TBC1D31: variants seen among roughly 807,000 people sequenced by gnomAD.
TBC1D31 encodes the protein WD repeat domain 67.
Under a neutral mutation model 132.9 loss-of-function variants are expected in TBC1D31, and 99 were observed. That is an observed-to-expected ratio of 0.74 (90% CI 0.63 to 0.88). The LOEUF (loss-of-function observed/expected upper bound fraction) is 0.88, where lower values mean the gene tolerates loss of function less well. TBC1D31 is among the 40% of genes least tolerant of loss of function. TBC1D31 has a pLI of 0.00. For missense variants in TBC1D31, 1,134 were observed against 1,256.6 expected (o/e 0.90, Z 1.48); for synonymous variants, 385 against 419.4 (o/e 0.92, Z 1.00).
chr8:123,097,036 A>AT (rs1366878294), intron 5 of TBC1D31, among the ~76,000 whole-genome samples: 3 of 152,228 alleles, frequency 2.0e-5, no homozygotes, highest in African/African-American at 7.2e-5. Context: ...AGGTAAAAAA[A>AT]ATATATACTA....
the TBC1D31 span, among the ~76,000 whole-genome samples, chr8:123,161,197 C>A: frequency 6.6e-6 from 1 of 152,250 alleles, no homozygotes; most frequent in East Asian, 1.9e-4. Context: ...GGCCTTTGCA[C>A]CGGCAGCTCT....
downstream of TBC1D31, among the ~76,000 whole-genome samples, chr8:123,156,290 A>G (rs183728283): frequency 1.2e-4 from 19 of 152,042 alleles, no homozygotes; most frequent in Non-Finnish European, 2.8e-4. Context: ...AAAATACAAA[A>G]ATTAGCCGAG....
Position 123,128,292 on chromosome 8 carries a change from C to T in TBC1D31, c.1896C>T (p.His632=), listed in dbSNP as rs754203936. ...AAGTTTTCTTACAGTTTTTTTTTCA[C>T]CATCGGAATAACCTGGATATAAATG... The part of the protein sequence containing the change: ...NLKDDFEFFF[H]HRNNLDINVV... Residue 632 remains histidine (H), a synonymous_variant, in exon 14 of 22, where the codon CAC becomes CAT. Transcript: ENST00000287380. 1.9e-6 allele frequency: 3 copies of T among 1,577,902 alleles called. No individual in the cohort carries two copies. The highest frequency in any genetic ancestry group is 3.5e-5 in the Admixed American group (2 of 56,908).
chr8:123,161,745 A>G, the TBC1D31 span, among the ~76,000 whole-genome samples: 1 of 152,128 alleles, frequency 6.6e-6, no homozygotes, highest in East Asian at 1.9e-4. Flanking sequence ...GGCCCGGTGC[A>G]TTGGCTCACA....
chr8:123,113,537 C>T (rs1399330953), intron 10 of TBC1D31, among the ~76,000 whole-genome samples: 1 of 152,040 alleles, frequency 6.6e-6, no homozygotes, highest in African/African-American at 2.4e-5. Context: ...TACATGGGGA[C>T]CTTCTTGAGA....
At chr8:123,119,974 A>G in intron 10 of TBC1D31, 81 bp from the exon 11 acceptor site, 1 of 1,250,372 alleles carries the variant, frequency 8.0e-7, no homozygotes, top group Non-Finnish European at 1.1e-6. Context: ...TTCACCAAAT[A>G]TACTTTTTGT....
At chr8:123,164,825 G>A in the TBC1D31 span, among the ~76,000 whole-genome samples, 2 of 152,164 alleles carry the variant, frequency 1.3e-5, no homozygotes, top group Admixed American at 6.5e-5. Flanking sequence ...GGGAAGCCCT[G>A]TGAGTGGTCT....
the TBC1D31 span, among the ~76,000 whole-genome samples, chr8:123,159,201 C>T: frequency 8.0e-4 from 120 of 150,218 alleles, 1 homozygote; most frequent in South Asian, 0.024. Context: ...AGTCCCAGGA[C>T]TGGCAAGCTA....
chr8:123,104,890 A>T (rs548540652), intron 7 of TBC1D31, among the ~76,000 whole-genome samples: 6 of 152,320 alleles, frequency 3.9e-5, no homozygotes, highest in African/African-American at 1.4e-4. Flanking sequence ...ACTTGACCCC[A>T]AAGAATATTA....
At chr8:123,082,949 G>A (rs1815324327) in intron 3 of TBC1D31, 132 bp downstream of exon 3, 1 of 618,952 alleles carries the variant, frequency 1.6e-6, no homozygotes, top group African/African-American at 1.9e-5. Context: ...CTAGGTGCAA[G>A]CTGAGGGTCC....
At chr8:123,073,000 G>A (rs2130556901) in intron 1 of TBC1D31, among the ~76,000 whole-genome samples, 154 bp downstream of exon 1, 1 of 152,298 alleles carries the variant, frequency 6.6e-6, no homozygotes, top group Non-Finnish European at 1.5e-5. Context: ...GGCTCCGGAC[G>A]CCAGGGTCCG....
intron 5 of TBC1D31, 29 bp downstream of exon 5, chr8:123,093,771 AT>A: frequency 7.4e-7 from 1 of 1,344,016 alleles, no homozygotes; most frequent in Non-Finnish European, 9.9e-7. Context: ...CACTAGGAAT[AT>A]TTAAGAAATT....
At chr8:123,149,615 C>A (rs1314685167) in intron 20 of TBC1D31, among the ~76,000 whole-genome samples, 4 of 152,188 alleles carry the variant, frequency 2.6e-5, no homozygotes, top group African/African-American at 9.6e-5. Flanking sequence ...CACTGCCCTG[C>A]CTGCTACTCT....
chr8:123,097,498 G>A (rs1816944676), intron 6 of TBC1D31, 57 bp downstream of exon 6: 1 of 1,548,698 alleles, frequency 6.5e-7, no homozygotes, highest in East Asian at 2.3e-5. Context: ...ATCCGTCTCT[G>A]AACTATATTA....
At chr8:123,142,207 C>A in intron 18 of TBC1D31, 55 bp from the exon 19 acceptor site, 1 of 1,349,994 alleles carries the variant, frequency 7.4e-7, no homozygotes, top group African/African-American at 1.5e-5. Context: ...GTTATACCTT[C>A]ATTTTATGTA....
chr8:123,099,765 C>T (rs1005077801), intron 6 of TBC1D31, among the ~76,000 whole-genome samples: 1 of 152,174 alleles, frequency 6.6e-6, no homozygotes, highest in East Asian at 1.9e-4. Context: ...TGGAATACCA[C>T]AGACTGGGTA....
intron 10 of TBC1D31, among the ~76,000 whole-genome samples, chr8:123,115,110 T>C (rs1818789830): frequency 6.6e-6 from 1 of 152,220 alleles, no homozygotes; most frequent in African/African-American, 2.4e-5. Flanking sequence ...GAATTGAAAC[T>C]ACTAGGTCAA....
At chr8:123,077,533 A>ATTTT (rs33948089) in intron 2 of TBC1D31, among the ~76,000 whole-genome samples, 74 of 143,510 alleles carry the variant, frequency 5.2e-4, no homozygotes, top group Non-Finnish European at 4.7e-4. Context: ...ATTATTGCTA[A>ATTTT]TTTTTTTTTT....
chr8:123,120,271 A>T, intron 11 of TBC1D31, 83 bp downstream of exon 11: 2 of 1,162,196 alleles, frequency 1.7e-6, no homozygotes, highest in Non-Finnish European at 2.4e-6. Flanking sequence ...TGCAACATTT[A>T]ACAATTCTAG....
Sources: gnomAD v4.1 joint callset for allele counts (sites outside exome capture counted in the v4.1 genomes callset) on GRCh38, gnomAD v4.1.1 for gene constraint, MANE v1.5 for transcripts, NCBI Gene and HGNC (gene_info 2026-07-23, HGNC 2026-07-21) for gene names.